GLIPR2: variants seen among roughly 807,000 people sequenced by gnomAD.
The protein encoded by GLIPR2 is GLI pathogenesis related 2.
GLIPR2 carries 21 observed loss-of-function variants against 20.4 expected under a neutral mutation model. That is an observed-to-expected ratio of 1.03 (90% CI 0.73 to 1.48). The LOEUF (loss-of-function observed/expected upper bound fraction) is 1.48. Ranked by LOEUF, GLIPR2 falls within the 40% of genes most tolerant of loss-of-function variation. The pLI is 0.00. For missense variants in GLIPR2, 205 were observed against 200.1 expected (o/e 1.02, Z -0.15); for synonymous variants, 91 against 80.5 (o/e 1.13, Z -0.70).
chr9:36,158,752 C>T (rs935218363), intron 4 of GLIPR2, among the ~76,000 whole-genome samples: 1 of 152,174 alleles, frequency 6.6e-6, no homozygotes, highest in Non-Finnish European at 1.5e-5. Context: ...GGATGAACAT[C>T]TGCCTCTACT....
chr9:36,138,689 A>G (rs967931887), intron 1 of GLIPR2, among the ~76,000 whole-genome samples: 1 of 152,024 alleles, frequency 6.6e-6, no homozygotes, highest in Non-Finnish European at 1.5e-5. Flanking sequence ...GCGTGCATCC[A>G]CTTGGATTGT....
chr9:36,147,757 A>G (rs1048692924), intron 1 of GLIPR2, 29 bp from the exon 2 acceptor site: 2 of 964,194 alleles, frequency 2.1e-6, no homozygotes, highest in Non-Finnish European at 3.4e-6. Context: ...CTCTGCACTG[A>G]GCCATTCTCC....
At chr9:36,136,686 G>T, upstream of GLIPR2, 1 of 938,038 alleles carries the variant, frequency 1.1e-6, no homozygotes, top group Non-Finnish European at 1.4e-6. This position sits in a 1 kb window ranked among gnomAD's most constrained non-coding sequence, Gnocchi z 4.3. Context: ...AGGGGCCGCG[G>T]CATCAGCCCG....
At chr9:36,141,042 A>G (rs1307641217) in intron 1 of GLIPR2, among the ~76,000 whole-genome samples, 3 of 152,250 alleles carry the variant, frequency 2.0e-5, no homozygotes, top group Non-Finnish European at 4.4e-5. Context: ...TCTAAAGCCA[A>G]AGCCCAAAAG....
Position 36,163,460 on chromosome 9 carries a change from CTG to C in GLIPR2, c.*939_*940del, listed in dbSNP as rs1826149815. On this transcript the variant is annotated 3_prime_UTR_variant, in exon 5 of 5. Transcript: ENST00000377960. ...GGCCCCCAGAGGAAGCCCTCAGCCTCTGCCCTCCCCCCACACAGGGCGGGAGC... is the reference window on the plus strand; with the variant it reads ...GGCCCCCAGAGGAAGCCCTCAGCCTCCCCTCCCCCCACACAGGGCGGGAGC... 6.5e-6 allele frequency: 1 copy of C among 154,796 alleles called. No homozygotes were observed. Among genetic ancestry groups the C allele is most frequent in the African/African-American group, 2.4e-5 (1 of 41,480 alleles). The allele number at this position is 154,796 out of a possible 1,614,324, so 9.6% of individuals were successfully genotyped here.
chr9:36,162,356 C>A lies in GLIPR2; in HGVS notation c.305-6C>A. 6.2e-7 allele frequency: 1 copy of A among 1,610,452 alleles called. No individual in the cohort carries two copies. The highest frequency in any genetic ancestry group is 8.5e-7 in the Non-Finnish European group (1 of 1,177,970). Reference sequence around the variant, plus strand: ...TGTCCCTCTCCCTCTGCCCGTTCCCCTACAGGACACTTCACGGCCATGGTA... The same window carrying A: ...TGTCCCTCTCCCTCTGCCCGTTCCCATACAGGACACTTCACGGCCATGGTA... On this transcript the variant is annotated splice_region_variant and splice_polypyrimidine_tract_variant and intron_variant, in intron 4 of 4. Coordinates refer to ENST00000377960, the MANE Select transcript of GLIPR2 (RefSeq NM_022343.4).
intron 1 of GLIPR2, among the ~76,000 whole-genome samples, chr9:36,143,532 G>A (rs1180350438): frequency 2.0e-5 from 3 of 152,190 alleles, no homozygotes; most frequent in African/African-American, 2.4e-5. Flanking sequence ...GGGGACCCCC[G>A]TCACCTTTGC....
chr9:36,152,696 GCCGAGAT>G (rs57311692), intron 4 of GLIPR2, among the ~76,000 whole-genome samples: 12,531 of 140,488 alleles, frequency 0.089, 687 homozygotes, highest in South Asian at 0.22. Flanking sequence ...GTTGCAGTGA[GCCGAGAT>G]CATGCCTTTG....
At chr9:36,142,475 TA>T (rs1825131697) in intron 1 of GLIPR2, among the ~76,000 whole-genome samples, 1 of 152,016 alleles carries the variant, frequency 6.6e-6, no homozygotes, top group Non-Finnish European at 1.5e-5. Flanking sequence ...TGGCGAGAAA[TA>T]AGATCATGCG....
intron 1 of GLIPR2, among the ~76,000 whole-genome samples, chr9:36,138,347 C>T (rs1381269325): frequency 6.6e-6 from 1 of 152,072 alleles, no homozygotes; most frequent in Non-Finnish European, 1.5e-5. Context: ...GCCTCAGCCT[C>T]CTGAGTAGCT....
chr9:36,151,927 G>A (rs753985623), intron 4 of GLIPR2, among the ~76,000 whole-genome samples: 22 of 152,118 alleles, frequency 1.4e-4, no homozygotes, highest in Non-Finnish European at 2.1e-4. Context: ...TGCCCACCTC[G>A]TTCCTCCTAC....
chr9:36,152,609 G>A, intron 4 of GLIPR2, among the ~76,000 whole-genome samples: 1 of 151,504 alleles, frequency 6.6e-6, no homozygotes, highest in East Asian at 1.9e-4. Flanking sequence ...AATTAGCTGG[G>A]CATGATGGTG....
At chr9:36,157,552 G>A (rs949367608) in intron 4 of GLIPR2, among the ~76,000 whole-genome samples, 3 of 151,446 alleles carry the variant, frequency 2.0e-5, no homozygotes, top group Non-Finnish European at 4.4e-5. Context: ...TCACCACATT[G>A]GCCCGGCTAG....
chr9:36,155,069 C>T (rs746835265), intron 4 of GLIPR2, among the ~76,000 whole-genome samples: 4 of 152,184 alleles, frequency 2.6e-5, no homozygotes, highest in Non-Finnish European at 4.4e-5. Context: ...AGTCTTTATC[C>T]TCTATTCTGG....
chr9:36,136,713 C>A (rs923484132), upstream of GLIPR2: 4 of 1,117,396 alleles, frequency 3.6e-6, no homozygotes, highest in Non-Finnish European at 3.4e-6. This position sits in a 1 kb window ranked among gnomAD's most constrained non-coding sequence, Gnocchi z 4.3. Flanking sequence ...GGCTCTGGGG[C>A]GGCGCTGGGC....
At chr9:36,149,654 C>CAG (rs1434013534) in intron 3 of GLIPR2, among the ~76,000 whole-genome samples, 1 of 152,212 alleles carries the variant, frequency 6.6e-6, no homozygotes, top group Non-Finnish European at 1.5e-5. Context: ...CCCATCTCTA[C>CAG]AGAGAGGGGG....
At position 36,147,908 on chromosome 9, in the gene GLIPR2, C is replaced by G; in HGVS notation, c.122+14C>G. 1 of 1,199,940 alleles carries G rather than the reference C, an allele frequency of 8.3e-7. No individual in the cohort carries two copies. The highest frequency in any genetic ancestry group is 2.3e-5 in the East Asian group (1 of 42,994). 74.3% of individuals were successfully genotyped at this position (1,199,940 alleles called of 1,614,324 possible). Reference sequence around the variant, plus strand: ...GGAGGCTCAACAGTGAGTCCCCTAGCACATCCGGGTAACTTGGCCCTTCAT... The same window carrying G: ...GGAGGCTCAACAGTGAGTCCCCTAGGACATCCGGGTAACTTGGCCCTTCAT... On this transcript the variant is annotated intron_variant, in intron 2 of 4. Coordinates refer to ENST00000377960, the MANE Select transcript of GLIPR2 (RefSeq NM_022343.4).
At chr9:36,137,470 C>G (rs1239135216) in intron 1 of GLIPR2, among the ~76,000 whole-genome samples, 1 of 152,210 alleles carries the variant, frequency 6.6e-6, no homozygotes, top group Non-Finnish European at 1.5e-5. Context: ...GAAGCTGGTG[C>G]ACAGGTCCCT....
chr9:36,146,723 G>A (rs1825343568), intron 1 of GLIPR2, among the ~76,000 whole-genome samples: 1 of 152,168 alleles, frequency 6.6e-6, no homozygotes, highest in South Asian at 2.1e-4. Flanking sequence ...CTTAAGGCTG[G>A]AGAATAATCC....
Sources: gnomAD v4.1 joint callset for allele counts (sites outside exome capture counted in the v4.1 genomes callset) on GRCh38, gnomAD v4.1.1 for gene constraint, Gnocchi (gnomAD v3.1) non-coding constraint, MANE v1.5 for transcripts, NCBI Gene and HGNC (gene_info 2026-07-23, HGNC 2026-07-21) for gene names.